The following THSD4 variants were observed in gnomAD, a reference collection of about 807,000 sequenced individuals.
The protein encoded by THSD4 is thrombospondin type 1 domain containing 4, also known as thrombospondin type-1 domain-containing protein 4.
THSD4 carries 69 observed loss-of-function variants against 119.0 expected under a neutral mutation model. The ratio of observed to expected loss-of-function variants is 0.58; its 90% confidence interval spans 0.48 to 0.71. The LOEUF (loss-of-function observed/expected upper bound fraction) is 0.71. Among genes scored for constraint, THSD4 ranks in the 30% least tolerant of loss-of-function variants. The pLI is 0.00. For synonymous variants in THSD4, 524 were observed against 540.4 expected (o/e 0.97, Z 0.42); for missense variants, 1,393 against 1,391.1 (o/e 1.00, Z -0.02).
At chr15:71,703,561 A>G (rs2052333882) in intron 8 of THSD4, among the ~76,000 whole-genome samples, 1 of 152,168 alleles carries the variant, frequency 6.6e-6, no homozygotes, top group African/African-American at 2.4e-5. Flanking sequence ...GAGAGGGGAC[A>G]GGGTCTTACA....
intron 7 of THSD4, among the ~76,000 whole-genome samples, chr15:71,586,150 T>C (rs1372854632): frequency 1.3e-5 from 2 of 152,214 alleles, no homozygotes; most frequent in Admixed American, 1.3e-4. Flanking sequence ...TCATAATTCA[T>C]GTAGCCTTGG....
chr15:71,728,424 C>T, intron 8 of THSD4, 125 bp from the exon 9 acceptor site: 1 of 1,189,552 alleles, frequency 8.4e-7, no homozygotes, highest in South Asian at 1.5e-5. Flanking sequence ...TGGATCATTG[C>T]CTGGCACATA....
At chr15:71,540,112 C>CA (rs966898176) in intron 7 of THSD4, among the ~76,000 whole-genome samples, 5 of 149,998 alleles carry the variant, frequency 3.3e-5, no homozygotes, top group African/African-American at 1.2e-4. Flanking sequence ...ACTATTATTA[C>CA]AACCATTATT....
chr15:71,221,880 G>A (rs1026176085), intron 4 of THSD4, among the ~76,000 whole-genome samples: 6 of 152,030 alleles, frequency 3.9e-5, no homozygotes, highest in African/African-American at 7.3e-5. Flanking sequence ...AACAGTGCAC[G>A]AGGATTCCGT....
chr15:71,102,318 T>C (rs2040256917), intron 1 of THSD4, among the ~76,000 whole-genome samples: 1 of 152,180 alleles, frequency 6.6e-6, no homozygotes, highest in Non-Finnish European at 1.5e-5. Context: ...TTTTTCCCAT[T>C]CAACATCCTT....
intron 7 of THSD4, among the ~76,000 whole-genome samples, chr15:71,559,517 C>T (rs557479038): frequency 6.6e-6 from 1 of 151,350 alleles, no homozygotes; most frequent in African/African-American, 2.4e-5. Flanking sequence ...TTTGCTCAAT[C>T]TGCCATCTTG....
rs114412623 is a variant in THSD4 at position 71,209,470 on chromosome 15, T to C, written c.100-5565T>C. On this transcript the variant is annotated intron_variant, in intron 3 of 17. Coordinates refer to ENST00000261862, the MANE Select transcript of THSD4 (RefSeq NM_024817.3). Reference sequence around the variant, plus strand: ...GGGCAGATAAGGGGTATTTTTGCTCTTCCACTGGGCTTCTTCTGTCTGTAA... The same window carrying C: ...GGGCAGATAAGGGGTATTTTTGCTCCTCCACTGGGCTTCTTCTGTCTGTAA... Among the ~76,000 whole-genome samples, 532 of 152,318 alleles carry C rather than the reference T, an allele frequency of 3.5e-3. 5 individuals are homozygous for C. Among genetic ancestry groups the C allele is most frequent in the African/African-American group, 0.012 (481 of 41,564 alleles).
At chr15:71,317,220 A>G (rs1027818746) in intron 6 of THSD4, among the ~76,000 whole-genome samples, 2 of 152,236 alleles carry the variant, frequency 1.3e-5, no homozygotes, top group African/African-American at 2.4e-5. Flanking sequence ...ATAAAAGGAA[A>G]AAGGTTGTCG....
intron 7 of THSD4, among the ~76,000 whole-genome samples, chr15:71,582,906 A>C (rs2049587991): frequency 6.6e-6 from 1 of 152,104 alleles, no homozygotes. Context: ...GGATTTTTGC[A>C]TCTGTATCTA....
intron 4 of THSD4, among the ~76,000 whole-genome samples, chr15:71,234,369 G>A (rs955472356): frequency 6.6e-6 from 1 of 152,054 alleles, no homozygotes. Context: ...GCAATGGCAC[G>A]ATCTTGGCTC....
At chr15:71,324,487 G>A (rs2045315306) in intron 6 of THSD4, among the ~76,000 whole-genome samples, 1 of 151,968 alleles carries the variant, frequency 6.6e-6, no homozygotes, top group Non-Finnish European at 1.5e-5. Flanking sequence ...AGTCTCCATA[G>A]TTGATTATAT....
chr15:71,196,093 G>A (rs563649108), intron 3 of THSD4, among the ~76,000 whole-genome samples: 4 of 152,306 alleles, frequency 2.6e-5, no homozygotes, highest in South Asian at 2.1e-4. Context: ...ATAGTGGAAA[G>A]CAGAAGGGCA....
At chr15:71,591,005 C>CAAAAAAAAAAAAAAAAAAAAAAAAA (rs67271025) in intron 7 of THSD4, among the ~76,000 whole-genome samples, 3 of 57,508 alleles carry the variant, frequency 5.2e-5, no homozygotes, top group Admixed American at 2.9e-4. Context: ...GACTCCATCT[C>CAAAAAAAAAAAAAAAAAAAAAAAAA]AAAAAAAAAA....
chr15:71,503,706 G>A (rs1462930097), intron 7 of THSD4, among the ~76,000 whole-genome samples: 2 of 152,134 alleles, frequency 1.3e-5, no homozygotes, highest in Non-Finnish European at 2.9e-5. Flanking sequence ...AGGGGGGCCT[G>A]GGCTATACCT....
chr15:71,245,708 A>G (rs899220786), intron 5 of THSD4, among the ~76,000 whole-genome samples: 7 of 152,280 alleles, frequency 4.6e-5, no homozygotes, highest in Admixed American at 2.6e-4. Flanking sequence ...GGCTGGTCAC[A>G]TAGGCACCCT....
chr15:71,126,526 T>A (rs964424471), intron 1 of THSD4, among the ~76,000 whole-genome samples: 1 of 152,182 alleles, frequency 6.6e-6, no homozygotes, highest in Admixed American at 6.5e-5. Context: ...CATACCATAA[T>A]ACCTAAAATG....
At chr15:71,174,959 A>G (rs1384791761) in intron 3 of THSD4, among the ~76,000 whole-genome samples, 1 of 151,144 alleles carries the variant, frequency 6.6e-6, no homozygotes, top group African/African-American at 2.4e-5. Flanking sequence ...ACAAACAGAA[A>G]GGACATCCAC....
intron 7 of THSD4, among the ~76,000 whole-genome samples, chr15:71,619,812 T>C (rs745558121): frequency 9.9e-5 from 15 of 152,238 alleles, no homozygotes; most frequent in Non-Finnish European, 1.8e-4. Flanking sequence ...TGTCTGACAG[T>C]AACAGTTCAT....
intron 6 of THSD4, among the ~76,000 whole-genome samples, chr15:71,370,328 T>C (rs1342535116): frequency 5.9e-5 from 9 of 152,178 alleles, no homozygotes; most frequent in Non-Finnish European, 8.8e-5. Context: ...TGCTAGCTTT[T>C]GAATGTGTTT....
Sources: gnomAD v4.1 joint callset for allele counts (sites outside exome capture counted in the v4.1 genomes callset) on GRCh38, gnomAD v4.1.1 for gene constraint, MANE v1.5 for transcripts, NCBI Gene and HGNC (gene_info 2026-07-23, HGNC 2026-07-21) for gene names.